The following CTNNA3 variants were observed in gnomAD, a reference collection of about 807,000 sequenced individuals.
CTNNA3 encodes the protein catenin alpha 3.
A neutral mutation model predicts 95.7 loss-of-function variants in CTNNA3; 76 were observed. The ratio of observed to expected loss-of-function variants is 0.79; its 90% CI spans 0.66 to 0.96. The LOEUF is 0.96. Among genes scored for constraint, CTNNA3 ranks in the 40% least tolerant of loss-of-function variants. CTNNA3 has a pLI of 0.00. For synonymous variants in CTNNA3, 431 were observed against 374.4 expected (o/e 1.15, Z -1.74); for missense variants, 1,191 against 1,089.8 (o/e 1.09, Z -1.31).
intron 7 of CTNNA3, among the ~76,000 whole-genome samples, chr10:67,011,755 C>T (rs1199370631): frequency 1.3e-5 from 2 of 151,980 alleles, no homozygotes; most frequent in African/African-American, 4.8e-5. Flanking sequence ...CTCATAATAA[C>T]CCTAGGAGGT....
intron 11 of CTNNA3, among the ~76,000 whole-genome samples, chr10:66,479,980 C>CACACACACACACACA (rs1469514267): frequency 7.0e-5 from 7 of 100,532 alleles, no homozygotes; most frequent in African/African-American, 2.9e-4. Flanking sequence ...ACACACACAC[C>CACACACACACACACA]CCAGAACTTT....
chr10:67,291,639 G>A (rs753130073), intron 5 of CTNNA3, among the ~76,000 whole-genome samples: 3 of 152,060 alleles, frequency 2.0e-5, no homozygotes, highest in East Asian at 1.9e-4. Context: ...ACTGGGGTTC[G>A]TTTTACTATG....
chr10:66,294,090 C>T (rs532678117), intron 12 of CTNNA3, among the ~76,000 whole-genome samples: 15 of 152,158 alleles, frequency 9.9e-5, no homozygotes, highest in East Asian at 9.7e-4. Flanking sequence ...TGATTGTTAA[C>T]GAGAATCTTT....
At chr10:67,199,684 T>G (rs771976597) in intron 6 of CTNNA3, among the ~76,000 whole-genome samples, 1 of 152,144 alleles carries the variant, frequency 6.6e-6, no homozygotes, top group Non-Finnish European at 1.5e-5. Context: ...GTGCAGGTGT[T>G]CAGCATGTCC....
At chr10:65,960,481 C>G (rs965186541) in intron 17 of CTNNA3, among the ~76,000 whole-genome samples, 2 of 151,872 alleles carry the variant, frequency 1.3e-5, no homozygotes, top group Non-Finnish European at 1.5e-5. Context: ...GCCGAGATCA[C>G]GCCACTGCAC....
chr10:67,582,810 A>G (rs867596117), intron 3 of CTNNA3, among the ~76,000 whole-genome samples: 80 of 151,350 alleles, frequency 5.3e-4, no homozygotes, highest in Admixed American at 3.5e-3. Context: ...TTACCATTAT[A>G]CAATGGCCTT....
intron 15 of CTNNA3, among the ~76,000 whole-genome samples, chr10:66,054,484 G>C (rs1314294440): frequency 6.6e-6 from 1 of 152,128 alleles, no homozygotes; most frequent in Admixed American, 6.5e-5. Context: ...TAGTGATATG[G>C]AGCATCTTTT....
chr10:67,393,032 T>G (rs1436072048), intron 5 of CTNNA3, among the ~76,000 whole-genome samples: 1 of 151,762 alleles, frequency 6.6e-6, no homozygotes, highest in African/African-American at 2.4e-5. Flanking sequence ...AATGTACACA[T>G]GTACCCTAAA....
intron 17 of CTNNA3, among the ~76,000 whole-genome samples, chr10:65,937,993 A>G (rs1175451770): frequency 6.6e-6 from 1 of 151,058 alleles, no homozygotes; most frequent in Non-Finnish European, 1.5e-5. Flanking sequence ...AACAAAAACC[A>G]TGTATTAGTT....
intron 2 of CTNNA3, among the ~76,000 whole-genome samples, chr10:67,646,276 C>T (rs1839710294): frequency 6.6e-6 from 1 of 151,244 alleles, no homozygotes; most frequent in Non-Finnish European, 1.5e-5. Context: ...CTTGGCCTCC[C>T]AAAGTGCTGG....
intron 7 of CTNNA3, among the ~76,000 whole-genome samples, chr10:66,970,767 G>C (rs1188608939): frequency 6.6e-6 from 1 of 151,972 alleles, no homozygotes; most frequent in African/African-American, 2.4e-5. Context: ...GATAACAAAT[G>C]ATTGCCCAAG....
intron 2 of CTNNA3, among the ~76,000 whole-genome samples, chr10:67,632,768 A>G (rs1839187496): frequency 2.0e-5 from 3 of 152,104 alleles, no homozygotes; most frequent in Admixed American, 2.0e-4. Flanking sequence ...GCAGCCGTCC[A>G]GGCACACACA....
intron 9 of CTNNA3, among the ~76,000 whole-genome samples, chr10:66,729,744 A>G (rs1025364489): frequency 6.6e-5 from 10 of 152,130 alleles, no homozygotes; most frequent in Admixed American, 6.5e-4. Context: ...CCACAAAAGA[A>G]CTTACTCATG....
At chr10:67,184,567 T>C (rs1589835409) in intron 6 of CTNNA3, among the ~76,000 whole-genome samples, 2 of 152,320 alleles carry the variant, frequency 1.3e-5, no homozygotes, top group Admixed American at 1.3e-4. Flanking sequence ...CTATTGTTTG[T>C]GCTGTTAATT....
chr10:66,750,663 T>C (rs1021000482), intron 9 of CTNNA3, among the ~76,000 whole-genome samples: 32 of 152,234 alleles, frequency 2.1e-4, no homozygotes, highest in African/African-American at 7.7e-4. Context: ...TCCAATGTTG[T>C]ACTTCTCTTT....
At chr10:66,577,730 T>C (rs1319460345) in intron 10 of CTNNA3, among the ~76,000 whole-genome samples, 1 of 152,140 alleles carries the variant, frequency 6.6e-6, no homozygotes, top group Non-Finnish European at 1.5e-5. Context: ...TGCAGCCTTG[T>C]AGTATAGTTT....
At chr10:67,371,865 T>C (rs529654122) in intron 5 of CTNNA3, among the ~76,000 whole-genome samples, 2 of 152,352 alleles carry the variant, frequency 1.3e-5, no homozygotes, top group South Asian at 4.1e-4. Context: ...AGTGTTCCTA[T>C]TTCTCCACAT....
chr10:67,745,515 G>T (rs891725216), intron 1 of CTNNA3, among the ~76,000 whole-genome samples: 12 of 146,176 alleles, frequency 8.2e-5, no homozygotes, highest in African/African-American at 1.8e-4. Flanking sequence ...GTTGTGGGGT[G>T]GGGGGGAGGG....
At chr10:66,199,730 T>TAGC (rs2087202324) in intron 13 of CTNNA3, among the ~76,000 whole-genome samples, 1 of 135,618 alleles carries the variant, frequency 7.4e-6, no homozygotes, top group Admixed American at 7.8e-5. Flanking sequence ...GCCTCCTGAT[T>TAGC]AGCTGGGATT....
Sources: allele counts gnomAD v4.1 joint callset (sites outside exome capture counted in the v4.1 genomes callset), GRCh38; gene constraint gnomAD v4.1.1; transcripts MANE v1.5; gene names NCBI Gene and HGNC (gene_info 2026-07-23, HGNC 2026-07-21).